The following PIWIL1 variants were observed in gnomAD, a reference collection of about 807,000 sequenced individuals.
The protein encoded by PIWIL1 is piwi like RNA-mediated gene silencing 1, also known as piwi-like protein 1.
In PIWIL1, 73 loss-of-function variants were observed where a neutral mutation model predicts 114.4. That is an observed-to-expected ratio of 0.64 (90% confidence interval 0.53 to 0.78). The LOEUF is 0.78. Among genes scored for constraint, PIWIL1 ranks in the 30% least tolerant of loss-of-function variants. The pLI, the probability that PIWIL1 is intolerant of heterozygous loss-of-function variation, is 0.00. For missense variants in PIWIL1, 723 were observed against 1,063.1 expected (o/e 0.68, Z 4.45); for synonymous variants, 375 against 369.0 (o/e 1.02, Z -0.19).
chr12:130,385,019 T>C, the PIWIL1 span, among the ~76,000 whole-genome samples: 1 of 152,156 alleles, frequency 6.6e-6, no homozygotes, highest in Non-Finnish European at 1.5e-5. Context: ...TTCGGTAAAA[T>C]TGCTGTGCAT....
At chr12:130,405,688 G>A in the PIWIL1 span, among the ~76,000 whole-genome samples, 18 of 152,080 alleles carry the variant, frequency 1.2e-4, no homozygotes, top group African/African-American at 4.3e-4. Flanking sequence ...GGGGCGGGGT[G>A]GGGGGTTCCA....
chr12:130,355,494 A>T (rs982238971), intron 11 of PIWIL1, 59 bp from the exon 12 acceptor site: 3 of 1,249,136 alleles, frequency 2.4e-6, no homozygotes, highest in Non-Finnish European at 3.5e-6. Context: ...TATCTGTTTG[A>T]CTGTGTCTTC....
At position 130,364,463 on chromosome 12, in the gene PIWIL1, G is replaced by A. The variant is rs2073600346; in HGVS notation, c.2195+1319G>A. On this transcript the variant is annotated intron_variant, in intron 18 of 20. Coordinates refer to ENST00000245255, the MANE Select transcript of PIWIL1 (RefSeq NM_004764.5). Reference sequence around the variant, plus strand: ...CCCCACACAATAAGTGTTTATCCCAGACGTTTCTTAAAATGACATGTGATG... The same window carrying A: ...CCCCACACAATAAGTGTTTATCCCAAACGTTTCTTAAAATGACATGTGATG... 2.0e-5 allele frequency among the ~76,000 whole-genome samples: 3 copies of A among 152,182 alleles called. No homozygotes were observed. In the South Asian group the frequency reaches 6.2e-4, roughly 32 times the overall value.
rs2072757570 is a variant in PIWIL1 at position 130,338,048 on chromosome 12, A to C, written c.-111A>C. The C allele has an allele frequency of 5.5e-6, 1 of 180,184 alleles. No individual in the cohort carries two copies. The highest frequency in any genetic ancestry group is 1.2e-5 in the Non-Finnish European group (1 of 86,526). The allele number at this position is 180,184 out of a possible 1,614,324, so 11.2% of individuals were successfully genotyped here. A position where few individuals can be genotyped will look rare whatever the true frequency, so the allele number is the denominator to read the frequency against. Reference sequence around the variant, plus strand: ...GGCGCGGGCCGAAGGAGGTCCTGGGAGGTCGGCGGCGCGGAGGGATCTCCG... The same window carrying C: ...GGCGCGGGCCGAAGGAGGTCCTGGGCGGTCGGCGGCGCGGAGGGATCTCCG... On this transcript the variant is annotated 5_prime_UTR_variant, in exon 1 of 21. Coordinates refer to ENST00000245255, the MANE Select transcript of PIWIL1 (RefSeq NM_004764.5).
the PIWIL1 span, chr12:130,424,834 C>T: frequency 4.1e-6 from 5 of 1,232,636 alleles, no homozygotes; most frequent in Non-Finnish European, 5.1e-6. This position sits in a 1 kb window ranked among gnomAD's most constrained non-coding sequence, Gnocchi z 9.8. Context: ...AAAGTGCCTT[C>T]CGAGGTCCTA....
rs1471247042 is a variant in PIWIL1, at chr12:130,342,762, G to T, written c.78+93G>T. Reference sequence around the variant, plus strand: ...ATAAACTAAAAACTGTGCTGGGAAGGATATAGGAAGTGAGCAAGGGAGATC... The same window carrying T: ...ATAAACTAAAAACTGTGCTGGGAAGTATATAGGAAGTGAGCAAGGGAGATC... On this transcript the variant is annotated intron_variant, in intron 2 of 20. Coordinates refer to ENST00000245255, the MANE Select transcript of PIWIL1 (RefSeq NM_004764.5). 8 of 991,434 alleles carry T rather than the reference G, an allele frequency of 8.1e-6. No individual in the cohort carries two copies. In the Admixed American group the frequency reaches 1.6e-4, roughly 20 times the overall value. 61.4% of individuals were successfully genotyped at this position (991,434 alleles called of 1,614,324 possible).
At chr12:130,399,235 G>T in the PIWIL1 span, 2 of 845,446 alleles carry the variant, frequency 2.4e-6, no homozygotes, top group African/African-American at 1.8e-5. Context: ...TTGCAGTGAT[G>T]AAATAAAATA....
intron 19 of PIWIL1, among the ~76,000 whole-genome samples, chr12:130,367,996 C>T (rs1007769017): frequency 6.6e-6 from 1 of 152,198 alleles, no homozygotes; most frequent in Non-Finnish European, 1.5e-5. Flanking sequence ...CGAGGTTTCA[C>T]CACGATGGCC....
the PIWIL1 span, among the ~76,000 whole-genome samples, chr12:130,388,913 A>G: frequency 6.6e-6 from 1 of 152,100 alleles, no homozygotes; most frequent in Non-Finnish European, 1.5e-5. Flanking sequence ...TTATGCTTTC[A>G]CTTTATTAAA....
chr12:130,354,805 C>G (rs942179934), intron 10 of PIWIL1, 83 bp from the exon 11 acceptor site: 1 of 1,366,728 alleles, frequency 7.3e-7, no homozygotes, highest in African/African-American at 1.5e-5. Flanking sequence ...TGGGAATTCC[C>G]ACTCACCATC....
chr12:130,425,654 C>T, the PIWIL1 span: 1 of 152,624 alleles, frequency 6.6e-6, no homozygotes, highest in Non-Finnish European at 1.5e-5. Flanking sequence ...GTCTGCACGC[C>T]ATCACTCTCT....
the PIWIL1 span, chr12:130,425,195 A>C: frequency 4.6e-6 from 1 of 215,422 alleles, no homozygotes; most frequent in Non-Finnish European, 9.1e-6. Flanking sequence ...GCTGCTGTAG[A>C]TGGTGGGTGT....
the PIWIL1 span, among the ~76,000 whole-genome samples, chr12:130,410,770 G>C: frequency 4.6e-5 from 7 of 152,288 alleles, no homozygotes; most frequent in South Asian, 4.1e-4. Context: ...CTCTATAGTA[G>C]TAAGCTTGCA....
rs2073053512 is a variant in PIWIL1 at position 130,345,786 on chromosome 12, C to T, written c.224C>T (p.Ser75Leu). Residue 75 changes from serine (S) to leucine (L), a missense_variant, in exon 4 of 21, where the codon TCG becomes TTG. Ser to Leu is a moderately radical substitution (Grantham distance 145, BLOSUM62 -2). Coordinates refer to ENST00000245255, the MANE Select transcript of PIWIL1 (RefSeq NM_004764.5). ...ATATCTGCTGGATTTCAGGAGTTAT[C>T]GTTAGCAGAGAGAGGAGGTCGTCGT... is the stretch of plus-strand genomic sequence containing the variant. ...LQISAGFQELSLAERGGRRRD... is the reference protein window; with the variant it reads ...LQISAGFQELLLAERGGRRRD... 2.5e-6 allele frequency: 4 copies of T among 1,613,706 alleles called. No individual in the cohort carries two copies. The highest frequency in any genetic ancestry group is 2.2e-5 in the East Asian group (1 of 44,868).
At chr12:130,375,349 G>T (rs1289928643), downstream of PIWIL1, among the ~76,000 whole-genome samples, 1 of 152,164 alleles carries the variant, frequency 6.6e-6, no homozygotes, top group Non-Finnish European at 1.5e-5. Context: ...ATACATGTAT[G>T]TCTAGCCATT....
At chr12:130,415,354 T>G in the PIWIL1 span, among the ~76,000 whole-genome samples, 1 of 152,056 alleles carries the variant, frequency 6.6e-6, no homozygotes, top group South Asian at 2.1e-4. Flanking sequence ...CAACATCCCT[T>G]CATGATTAAA....
intron 4 of PIWIL1, among the ~76,000 whole-genome samples, 197 bp from the exon 5 acceptor site, chr12:130,346,173 T>A (rs1457536663): frequency 6.6e-6 from 1 of 152,232 alleles, no homozygotes. Context: ...GATTTGTTTC[T>A]AAATGTATGC....
In PIWIL1 at chr12:130,372,442, G is replaced by A. The variant is rs1194331641; in HGVS notation, c.*844G>A. The A allele has an allele frequency of 6.6e-6, 1 of 151,826 alleles. No homozygotes were observed. Among genetic ancestry groups the A allele is most frequent in the Admixed American group, 6.5e-5 (1 of 15,268 alleles). 9.4% of individuals were successfully genotyped at this position (151,826 alleles called of 1,614,324 possible). A position where few individuals can be genotyped will look rare whatever the true frequency, so the allele number is the denominator to read the frequency against. ...AAGCTAAATTAGCCTGACCAACATG[G>A]TGAAACCCCATCTCTACTAAAAATA... On this transcript the variant is annotated 3_prime_UTR_variant, in exon 21 of 21. Coordinates refer to ENST00000245255, the MANE Select transcript of PIWIL1 (RefSeq NM_004764.5).
downstream of PIWIL1, among the ~76,000 whole-genome samples, chr12:130,374,559 A>G (rs909303885): frequency 2.0e-5 from 3 of 152,176 alleles, no homozygotes; most frequent in African/African-American, 4.8e-5. Context: ...AGGAGGCTCC[A>G]TGGCCTCTAC....
Sources: allele counts gnomAD v4.1 joint callset (sites outside exome capture counted in the v4.1 genomes callset), GRCh38; gene constraint gnomAD v4.1.1; non-coding constraint Gnocchi (gnomAD v3.1); transcripts MANE v1.5; gene names NCBI Gene and HGNC (gene_info 2026-07-23, HGNC 2026-07-21).